The following LDAH variants were observed in gnomAD, a reference collection of about 807,000 sequenced individuals.
LDAH encodes the protein lipid droplet associated hydrolase, also known as lipid droplet-associated hydrolase.
A neutral mutation model predicts 29.6 loss-of-function variants in LDAH; 26 were observed. That is an observed-to-expected ratio of 0.88 (90% confidence interval 0.64 to 1.22). The LOEUF (loss-of-function observed/expected upper bound fraction) is 1.22. LDAH is among the 50% of genes most tolerant of loss of function. The pLI is 0.00. For synonymous variants in LDAH, 117 were observed against 133.0 expected (o/e 0.88, Z 0.83); for missense variants, 344 against 387.3 (o/e 0.89, Z 0.94).
intron 4 of LDAH, among the ~76,000 whole-genome samples, chr2:20,742,702 G>C (rs1667266121): frequency 6.6e-6 from 1 of 151,648 alleles, no homozygotes; most frequent in South Asian, 2.1e-4. Context: ...ATTTAAAGTG[G>C]GGTTCTTGTA....
At chr2:20,697,820 T>G (rs1663603629) in intron 6 of LDAH, among the ~76,000 whole-genome samples, 1 of 152,198 alleles carries the variant, frequency 6.6e-6, no homozygotes, top group Non-Finnish European at 1.5e-5. Flanking sequence ...TAACCAAAAT[T>G]TAGTATTTCT....
At chr2:20,770,192 T>C (rs1271315301) in intron 4 of LDAH, among the ~76,000 whole-genome samples, 1 of 152,154 alleles carries the variant, frequency 6.6e-6, no homozygotes, top group African/African-American at 2.4e-5. Flanking sequence ...TTTATCCAGT[T>C]GGGTAAAATA....
intron 3 of LDAH, chr2:20,789,040 TA>T: frequency 7.6e-7 from 1 of 1,313,468 alleles, no homozygotes; most frequent in Non-Finnish European, 1.1e-6. Context: ...TGCTTAGCAG[TA>T]ACATCGCTAT....
intron 5 of LDAH, among the ~76,000 whole-genome samples, chr2:20,726,965 C>T (rs1666061860): frequency 6.6e-6 from 1 of 152,104 alleles, no homozygotes; most frequent in African/African-American, 2.4e-5. Flanking sequence ...ATCCTAGTAC[C>T]ACACTAATCA....
At chr2:20,821,856 G>A (rs1207557640) in intron 1 of LDAH, among the ~76,000 whole-genome samples, 1 of 152,142 alleles carries the variant, frequency 6.6e-6, no homozygotes, top group Non-Finnish European at 1.5e-5. Flanking sequence ...TAAAATTTTA[G>A]ATGGGCACCC....
At chr2:20,789,644 A>G (rs967791210) in intron 3 of LDAH, among the ~76,000 whole-genome samples, 1 of 152,142 alleles carries the variant, frequency 6.6e-6, no homozygotes, top group Non-Finnish European at 1.5e-5. Flanking sequence ...AGTAAAGAAC[A>G]TGGTTTATAA....
chr2:20,776,423 A>G (rs1402858852), intron 3 of LDAH, among the ~76,000 whole-genome samples: 1 of 152,082 alleles, frequency 6.6e-6, no homozygotes, highest in Non-Finnish European at 1.5e-5. Flanking sequence ...ATTCACTCCT[A>G]CTTTACAATT....
intron 1 of LDAH, among the ~76,000 whole-genome samples, chr2:20,809,566 CTGT>C (rs1371508284): frequency 1.3e-5 from 2 of 152,022 alleles, no homozygotes; most frequent in Non-Finnish European, 2.9e-5. Context: ...GAAAACGAGC[CTGT>C]TGTTAGGAAA....
chr2:20,722,202 C>T (rs1665696522), intron 5 of LDAH, among the ~76,000 whole-genome samples: 2 of 151,860 alleles, frequency 1.3e-5, no homozygotes, highest in African/African-American at 2.4e-5. Flanking sequence ...ATGGTGAAAC[C>T]GTCTCTACTA....
At chr2:20,693,506 G>T (rs1055821440) in intron 6 of LDAH, among the ~76,000 whole-genome samples, 1 of 152,124 alleles carries the variant, frequency 6.6e-6, no homozygotes, top group African/African-American at 2.4e-5. Flanking sequence ...AAAGACAGGT[G>T]GGGTAGAAGA....
chr2:20,807,584 AAAAC>A (rs1672159581), intron 1 of LDAH, among the ~76,000 whole-genome samples: 1 of 152,122 alleles, frequency 6.6e-6, no homozygotes, highest in Non-Finnish European at 1.5e-5. Context: ...CAGAATAAAG[AAAAC>A]TTATATAATC....
chr2:20,730,459 C>T (rs1666321595), intron 5 of LDAH, among the ~76,000 whole-genome samples: 1 of 152,032 alleles, frequency 6.6e-6, no homozygotes, highest in African/African-American at 2.4e-5. Context: ...TTCTCTGCAT[C>T]CTTACCAGCA....
intron 6 of LDAH, among the ~76,000 whole-genome samples, chr2:20,688,450 C>T (rs1662728013): frequency 6.6e-6 from 1 of 152,050 alleles, no homozygotes; most frequent in African/African-American, 2.4e-5. Flanking sequence ...CCGAAGTCCA[C>T]AAGGCAAAAA....
chr2:20,743,404 C>T (rs140128649), intron 4 of LDAH, among the ~76,000 whole-genome samples: 32 of 142,588 alleles, frequency 2.2e-4, no homozygotes, highest in African/African-American at 9.4e-4. Flanking sequence ...CATGCTGGTG[C>T]GCTGCACCCC....
Position 20,694,721 on chromosome 2 carries a change from CAA to C in LDAH, c.786+6847_786+6848del, listed in dbSNP as rs1372678672. ...AGGGGAGCGGTGGGAATGGGAGCGC[CAA>C]AGGAGGAGTAGGTCCTATGGGGCAC... On this transcript the variant is annotated intron_variant, in intron 6 of 6. Transcript: ENST00000237822. Among the ~76,000 whole-genome samples the C allele has an allele frequency of 5.9e-5, 9 of 152,304 alleles. No individual in the cohort carries two copies. In the East Asian group the frequency reaches 1.7e-3, roughly 29 times the overall value.
intron 4 of LDAH, among the ~76,000 whole-genome samples, chr2:20,764,168 G>A (rs929295830): frequency 3.7e-5 from 5 of 133,800 alleles, no homozygotes; most frequent in African/African-American, 1.2e-4. Context: ...GGGTAACTCA[G>A]AAAAGATAAT....
intron 3 of LDAH, among the ~76,000 whole-genome samples, chr2:20,788,545 T>C (rs2125065557): frequency 6.6e-6 from 1 of 152,330 alleles, no homozygotes; most frequent in South Asian, 2.1e-4. Context: ...CATGCATATA[T>C]AATAACGAAG....
At chr2:20,775,720 C>T (rs1221027159) in intron 3 of LDAH, among the ~76,000 whole-genome samples, 5 of 152,220 alleles carry the variant, frequency 3.3e-5, no homozygotes, top group Admixed American at 2.6e-4. Context: ...CTAGGTTCTT[C>T]AAGACCTAAT....
chr2:20,697,102 C>T (rs1055941346), intron 6 of LDAH, among the ~76,000 whole-genome samples: 9 of 150,980 alleles, frequency 6.0e-5, no homozygotes, highest in African/African-American at 2.2e-4. Flanking sequence ...CATCCAGGGC[C>T]TGCCAGACAC....
Sources: allele counts gnomAD v4.1 joint callset (sites outside exome capture counted in the v4.1 genomes callset), GRCh38; gene constraint gnomAD v4.1.1; transcripts MANE v1.5; gene names NCBI Gene and HGNC (gene_info 2026-07-23, HGNC 2026-07-21).